FOXN3: variants seen among roughly 807,000 people sequenced by gnomAD.
FOXN3 encodes forkhead box N3.
In FOXN3, 7 loss-of-function variants were observed where a neutral mutation model predicts 38.4. The observed-to-expected ratio is 0.18, with a 90% CI of 0.10 to 0.34. The LOEUF (loss-of-function observed/expected upper bound fraction) is 0.34. Among genes scored for constraint, FOXN3 ranks in the 10% least tolerant of loss-of-function variants. The pLI is 1.00. For synonymous variants in FOXN3, 230 were observed against 242.2 expected (o/e 0.95, Z 0.47); for missense variants, 456 against 613.4 (o/e 0.74, Z 2.71).
chr14:89,407,032 A>C (rs1362724107), intron 2 of FOXN3, among the ~76,000 whole-genome samples: 1 of 150,202 alleles, frequency 6.7e-6, no homozygotes, highest in Non-Finnish European at 1.5e-5. Flanking sequence ...GAGAAATTTT[A>C]TAGAGTAGGG....
intron 2 of FOXN3, among the ~76,000 whole-genome samples, chr14:89,359,577 G>A (rs1205683913): frequency 6.6e-6 from 1 of 152,200 alleles, no homozygotes; most frequent in East Asian, 1.9e-4. Flanking sequence ...ATAGAACAAA[G>A]CAAAGAGCCA....
intron 1 of FOXN3, among the ~76,000 whole-genome samples, chr14:89,426,237 T>G (rs886602993): frequency 2.0e-5 from 3 of 147,248 alleles, no homozygotes; most frequent in African/African-American, 7.6e-5. Flanking sequence ...TTTTTTTTTT[T>G]TTTTGAGACA....
At chr14:89,286,718 GT>G (rs902723457) in intron 3 of FOXN3, among the ~76,000 whole-genome samples, 1 of 152,196 alleles carries the variant, frequency 6.6e-6, no homozygotes, top group Non-Finnish European at 1.5e-5. Flanking sequence ...ACGCCACAAT[GT>G]AACAGGGGCT....
rs1193588367 is a variant in FOXN3 at position 89,526,673 on chromosome 14, C to G, written c.-15+92355G>C. Reference sequence around the variant, plus strand: ...CTATTGTTTAGATGTTAATTTCCCTCAAATTGATCTAAAGATTTAAAGTAT... The same window carrying G: ...CTATTGTTTAGATGTTAATTTCCCTGAAATTGATCTAAAGATTTAAAGTAT... On this transcript the variant is annotated intron_variant, in intron 1 of 6. Transcript: ENST00000345097. Among the ~76,000 whole-genome samples the G allele has an allele frequency of 3.3e-5, 5 of 152,110 alleles. No individual in the cohort carries two copies. In the East Asian group the frequency reaches 5.8e-4, roughly 18 times the overall value.
chr14:89,203,303 A>G (rs143125221), intron 4 of FOXN3, among the ~76,000 whole-genome samples: 204 of 152,284 alleles, frequency 1.3e-3, no homozygotes, highest in African/African-American at 4.7e-3. Flanking sequence ...CACAGGATTT[A>G]AGAGCAGTTC....
rs183949174 is a variant in FOXN3 at position 89,218,776 on chromosome 14, G to T, written c.746-37970C>A. On this transcript the variant is annotated intron_variant, in intron 4 of 5. Coordinates refer to ENST00000557258, the MANE Select transcript of FOXN3 (RefSeq NM_005197.4). ...TTTCTAGGGAAAGTGACTCAAAAGAGACTTTCTGGGTCTTGCTTTCCTCAT... is the reference window on the plus strand; with the variant it reads ...TTTCTAGGGAAAGTGACTCAAAAGATACTTTCTGGGTCTTGCTTTCCTCAT... 1.8e-4 allele frequency among the ~76,000 whole-genome samples: 27 copies of T among 152,286 alleles called. 2 individuals carry two copies. The highest frequency in any genetic ancestry group is 5.8e-4 in the African/African-American group (24 of 41,554).
chr14:89,581,590 C>A (rs1391162768), intron 1 of FOXN3, among the ~76,000 whole-genome samples: 1 of 152,178 alleles, frequency 6.6e-6, no homozygotes, highest in South Asian at 2.1e-4. Context: ...GGTACCTGCT[C>A]TTTTCCCTCA....
intron 1 of FOXN3, among the ~76,000 whole-genome samples, chr14:89,444,024 A>AAAG (rs2139700091): frequency 6.6e-6 from 1 of 151,128 alleles, no homozygotes; most frequent in East Asian, 1.9e-4. Flanking sequence ...AAAAAAAAAA[A>AAAG]AAAAAGCATA....
At chr14:89,213,867 T>C (rs1353897054) in intron 4 of FOXN3, among the ~76,000 whole-genome samples, 1 of 152,206 alleles carries the variant, frequency 6.6e-6, no homozygotes, top group African/African-American at 2.4e-5. Context: ...ACCTAATAAT[T>C]TATTAAGCTA....
rs1292008344 is a variant in FOXN3, at chr14:89,277,416, T to A, written c.745+3534A>T. Among the ~76,000 whole-genome samples, 3 of 152,138 alleles carry A rather than the reference T, an allele frequency of 2.0e-5. No homozygotes were observed. In the East Asian group the frequency reaches 5.8e-4, roughly 29 times the overall value. On this transcript the variant is annotated intron_variant, in intron 4 of 5. Transcript: ENST00000557258. Reference sequence around the variant, plus strand: ...TTCCATTGTACAAGAATTGAAGTGCTCTCTAGCCTGCTGAAACTGTCTGTA... The same window carrying A: ...TTCCATTGTACAAGAATTGAAGTGCACTCTAGCCTGCTGAAACTGTCTGTA...
intron 3 of FOXN3, among the ~76,000 whole-genome samples, chr14:89,334,664 G>C (rs1357088423): frequency 7.3e-6 from 1 of 136,728 alleles, no homozygotes; most frequent in Non-Finnish European, 1.7e-5. Flanking sequence ...TTACAGCACA[G>C]AGACTACAGT....
intron 4 of FOXN3, among the ~76,000 whole-genome samples, chr14:89,216,133 G>A (rs553513983): frequency 1.3e-5 from 2 of 152,162 alleles, no homozygotes; most frequent in Non-Finnish European, 1.5e-5. Flanking sequence ...AGGAAAGTTG[G>A]TTAACAGGCA....
chr14:89,510,867 C>T (rs1375278473), intron 1 of FOXN3, among the ~76,000 whole-genome samples: 2 of 152,078 alleles, frequency 1.3e-5, no homozygotes, highest in Admixed American at 6.6e-5. Flanking sequence ...CACTTGAACC[C>T]GGGAGGCGGA....
At chr14:89,180,915 G>GGCAGAGAACATGCATGCA in intron 4 of FOXN3, 109 bp from the exon 5 acceptor site, 1 of 694,068 alleles carries the variant, frequency 1.4e-6, no homozygotes, top group African/African-American at 1.8e-5. Context: ...AGAGACAGAG[G>GGCAGAGAACATGCATGCA]GCAGAGACAG....
At chr14:89,286,553 C>A in intron 3 of FOXN3, among the ~76,000 whole-genome samples, 1 of 152,198 alleles carries the variant, frequency 6.6e-6, no homozygotes, top group Non-Finnish European at 1.5e-5. Flanking sequence ...TGGGTGACAT[C>A]TACCACCAGA....
intron 1 of FOXN3, among the ~76,000 whole-genome samples, chr14:89,438,837 C>T (rs1306115515): frequency 6.6e-6 from 1 of 151,934 alleles, no homozygotes; most frequent in African/African-American, 2.4e-5. Context: ...AATCTCGGCC[C>T]ACTGCAACCT....
At chr14:89,394,296 C>T (rs1010543200) in intron 2 of FOXN3, among the ~76,000 whole-genome samples, 1 of 150,854 alleles carries the variant, frequency 6.6e-6, no homozygotes, top group East Asian at 1.9e-4. Context: ...CTCTGCCTCC[C>T]GAGTTCAAGC....
intron 3 of FOXN3, among the ~76,000 whole-genome samples, chr14:89,316,417 T>C (rs1291456249): frequency 1.3e-5 from 2 of 152,118 alleles, no homozygotes; most frequent in African/African-American, 4.8e-5. Context: ...TCACCAAGGC[T>C]AGATCATGGC....
At chr14:89,604,235 ACACACG>A (rs775892793) in intron 1 of FOXN3, among the ~76,000 whole-genome samples, 1 of 135,932 alleles carries the variant, frequency 7.4e-6, no homozygotes, top group Non-Finnish European at 1.6e-5. Context: ...ACACACACAC[ACACACG>A]TGCGCGCACA....
Sources: gnomAD v4.1 joint callset for allele counts (sites outside exome capture counted in the v4.1 genomes callset) on GRCh38, gnomAD v4.1.1 for gene constraint, MANE v1.5 for transcripts, NCBI Gene and HGNC (gene_info 2026-07-23, HGNC 2026-07-21) for gene names.